The following CRACDL variants were observed in gnomAD, a reference collection of about 807,000 sequenced individuals.
CRACDL encodes CRACD-like protein.
Under a neutral mutation model 70.6 loss-of-function variants are expected in CRACDL, and 26 were observed. The ratio of observed to expected loss-of-function variants is 0.37; its 90% CI spans 0.27 to 0.51. The LOEUF (loss-of-function observed/expected upper bound fraction) is 0.51, where lower values mean the gene tolerates loss of function less well. CRACDL is among the 20% of genes least tolerant of loss of function. The pLI is 0.94. For missense variants in CRACDL, 1,283 were observed against 1,376.9 expected (o/e 0.93, Z 1.08); for synonymous variants, 618 against 615.2 (o/e 1.00, Z -0.07).
intron 1 of CRACDL, among the ~76,000 whole-genome samples, chr2:98,892,445 C>A (rs1405463235): frequency 6.6e-6 from 1 of 151,932 alleles, no homozygotes; most frequent in Non-Finnish European, 1.5e-5. Flanking sequence ...AATCCCAGCA[C>A]TTTAGGAGAC....
rs202001320 is a variant in CRACDL, at chr2:98,817,909, T to TA, written c.2416+3947dup. On this transcript the variant is annotated intron_variant, in intron 7 of 9. Coordinates refer to ENST00000397899, the MANE Select transcript of CRACDL (RefSeq NM_207362.3). ...ACACCAACATGTGACCATGACTTTGTAAAAAAAATAAATCTCATACCCAGA... is the reference window on the plus strand; with the variant it reads ...ACACCAACATGTGACCATGACTTTGTAAAAAAAAATAAATCTCATACCCAGA... 5.5e-3 allele frequency among the ~76,000 whole-genome samples: 826 copies of TA among 151,176 alleles called. 3 individuals are homozygous for TA. Among genetic ancestry groups the TA allele is most frequent in the African/African-American group, 0.018 (744 of 41,148 alleles).
intron 1 of CRACDL, among the ~76,000 whole-genome samples, chr2:98,868,585 G>C (rs922707465): frequency 1.3e-5 from 2 of 152,220 alleles, no homozygotes; most frequent in Non-Finnish European, 2.9e-5. Flanking sequence ...GGCTTTGGCT[G>C]TGCAGGAGCT....
chr2:98,913,651 G>A (rs572526236), intron 1 of CRACDL, among the ~76,000 whole-genome samples: 2 of 152,146 alleles, frequency 1.3e-5, no homozygotes, highest in Non-Finnish European at 2.9e-5. Flanking sequence ...CCCACCCAAA[G>A]GCAAGTCTGG....
At chr2:98,798,301 C>A (rs983726038) in intron 7 of CRACDL, among the ~76,000 whole-genome samples, 1 of 152,056 alleles carries the variant, frequency 6.6e-6, no homozygotes, top group African/African-American at 2.4e-5. Context: ...GCTGAGATCA[C>A]GCCATTGCAC....
intron 1 of CRACDL, among the ~76,000 whole-genome samples, chr2:98,896,807 T>C (rs551526219): frequency 6.6e-6 from 1 of 152,258 alleles, no homozygotes; most frequent in African/African-American, 2.4e-5. Context: ...GTTTTTAGTT[T>C]CTGTCTCTAG....
chr2:98,898,255 T>C (rs1708179463), intron 1 of CRACDL, among the ~76,000 whole-genome samples: 1 of 152,226 alleles, frequency 6.6e-6, no homozygotes, highest in Non-Finnish European at 1.5e-5. Context: ...CAATGATCAA[T>C]ACTCAAGTGA....
chr2:98,913,298 A>G (rs1312696292), intron 1 of CRACDL, among the ~76,000 whole-genome samples: 1 of 152,168 alleles, frequency 6.6e-6, no homozygotes, highest in Non-Finnish European at 1.5e-5. Flanking sequence ...AGTGCTGTCT[A>G]GAGGGAAGCC....
In CRACDL at chr2:98,801,880, T is replaced by C. The variant is rs146922121; in HGVS notation, c.2417-4343A>G. 4.9e-3 allele frequency among the ~76,000 whole-genome samples: 743 copies of C among 152,332 alleles called. 7 individuals carry two copies. Among genetic ancestry groups the C allele is most frequent in the African/African-American group, 0.017 (711 of 41,586 alleles). On this transcript the variant is annotated intron_variant, in intron 7 of 9. Transcript: ENST00000397899. ...GTTATGTGCTTGTTGCTAGTGTTGT[T>C]ATTGTTCCTGCTGGAGGAGGGGTGG...
chr2:98,838,261 A>G lies in CRACDL; in HGVS notation c.97T>C (p.Phe33Leu). The G allele has an allele frequency of 6.2e-7, 1 of 1,606,916 alleles. No individual in the cohort carries two copies. The highest frequency in any genetic ancestry group is 2.2e-5 in the East Asian group (1 of 44,750). ...TGKKKSKFKT[F>L]KKFFGKKKRK... The stretch of plus-strand genomic sequence containing the variant: ...TTCTTCTTCCCAAAAAACTTCTTAA[A>G]AGTTTTGAATTTAGATTTTTTCTTT... The change falls in exon 3 of 10, where the codon TTT (phenylalanine) becomes CTT (leucine). Residue 33 changes from phenylalanine (F) to leucine (L), a missense_variant. Coordinates refer to ENST00000397899, the MANE Select transcript of CRACDL (RefSeq NM_207362.3).
chr2:98,830,895 A>C, intron 5 of CRACDL, among the ~76,000 whole-genome samples: 1 of 152,124 alleles, frequency 6.6e-6, no homozygotes, highest in South Asian at 2.1e-4. Context: ...AGAGTCAGAG[A>C]CCTGTGGGAT....
chr2:98,899,259 T>C (rs1043016857), intron 1 of CRACDL, among the ~76,000 whole-genome samples: 1 of 152,086 alleles, frequency 6.6e-6, no homozygotes, highest in African/African-American at 2.4e-5. Flanking sequence ...CACAAAGGGG[T>C]GACACAAGAG....
chr2:98,797,623 C>T (rs1703884786), intron 7 of CRACDL, 86 bp from the exon 8 acceptor site: 1 of 1,325,516 alleles, frequency 7.5e-7, no homozygotes, highest in African/African-American at 1.4e-5. Context: ...GAGAACACTA[C>T]TGCTTTGGTT....
intron 1 of CRACDL, among the ~76,000 whole-genome samples, chr2:98,859,086 C>A (rs1489553206): frequency 1.3e-5 from 2 of 152,186 alleles, no homozygotes; most frequent in Non-Finnish European, 2.9e-5. Flanking sequence ...TTTCCCTTCA[C>A]AAACGCCTCT....
chr2:98,829,996 C>T (rs181746890), intron 5 of CRACDL, among the ~76,000 whole-genome samples: 19 of 152,332 alleles, frequency 1.2e-4, no homozygotes, highest in South Asian at 8.3e-4. Flanking sequence ...GGCCTCCCTC[C>T]GGAGCTGTGG....
At chr2:98,795,314 G>A (rs1703771221) in intron 9 of CRACDL, among the ~76,000 whole-genome samples, 1 of 151,858 alleles carries the variant, frequency 6.6e-6, no homozygotes. Flanking sequence ...GACCTCAGGT[G>A]ATCTGCCCGA....
chr2:98,915,818 C>T (rs143459914), intron 1 of CRACDL, among the ~76,000 whole-genome samples: 108 of 152,300 alleles, frequency 7.1e-4, no homozygotes, highest in African/African-American at 2.5e-3. Flanking sequence ...AATTACTAAG[C>T]ACATCCGCTG....
chr2:98,923,441 C>T (rs769256102), intron 1 of CRACDL, among the ~76,000 whole-genome samples: 5 of 151,990 alleles, frequency 3.3e-5, no homozygotes, highest in Non-Finnish European at 7.4e-5. Flanking sequence ...CCCAGGACAC[C>T]CCCTAATGGA....
chr2:98,920,429 C>G (rs1708774888), intron 1 of CRACDL, among the ~76,000 whole-genome samples: 1 of 152,172 alleles, frequency 6.6e-6, no homozygotes, highest in Admixed American at 6.5e-5. Flanking sequence ...ACAGCTGGTT[C>G]CAAAGCCTTC....
intron 1 of CRACDL, among the ~76,000 whole-genome samples, chr2:98,870,675 G>A (rs1362668334): frequency 2.0e-5 from 3 of 152,190 alleles, no homozygotes; most frequent in Non-Finnish European, 2.9e-5. Flanking sequence ...ACTCTGCCCA[G>A]CAACACGAGC....
Sources: gnomAD v4.1 joint callset for allele counts (sites outside exome capture counted in the v4.1 genomes callset) on GRCh38, gnomAD v4.1.1 for gene constraint, MANE v1.5 for transcripts, NCBI Gene and HGNC (gene_info 2026-07-23, HGNC 2026-07-21) for gene names.